The following MYH14 variants were observed in gnomAD, a reference collection of about 807,000 sequenced individuals.
MYH14 encodes myosin heavy chain 14, also known as myosin-14.
A neutral mutation model predicts 255.5 loss-of-function variants in MYH14; 123 were observed. The observed-to-expected ratio is 0.48, with a 90% CI of 0.42 to 0.56. The LOEUF (loss-of-function observed/expected upper bound fraction) is 0.56. Among genes scored for constraint, MYH14 ranks in the 20% least tolerant of loss-of-function variants. The probability of loss-of-function intolerance (pLI) is 0.00; values close to 1 mark genes in which losing one functional copy is unlikely to be tolerated. For synonymous variants in MYH14, 1,095 were observed against 1,161.2 expected, an observed-to-expected ratio of 0.94 and a Z score of 1.16; for missense variants, 2,423 against 2,802.3, an observed-to-expected ratio of 0.86 and a Z score of 3.06.
rs1161235884 is a variant in MYH14, at chr19:50,216,612, GA to G, written c.406-991del. Among the ~76,000 whole-genome samples the G allele has an allele frequency of 3.7e-3, 508 of 137,498 alleles. 3 individuals carry two copies. The East Asian group carries it at 0.045, about 12-fold the overall frequency. 90.2% of individuals were successfully genotyped at this position (137,498 alleles called of 152,430 possible). The stretch of plus-strand genomic sequence containing the variant: ...GAGTAAGACCCTGTCTCAAAGAGGG[GA>G]AAAAAAAAAAAGACTAGGCATGGTC... On this transcript the variant is annotated intron_variant, in intron 2 of 42. Transcript: ENST00000642316.
At chr19:50,227,170 G>A (rs541347702) in intron 8 of MYH14, among the ~76,000 whole-genome samples, 2 of 152,122 alleles carry the variant, frequency 1.3e-5, no homozygotes, top group African/African-American at 4.8e-5. Context: ...GGGGTGGTGG[G>A]TTGGGGTCCA....
chr19:50,279,982 G>T, intron 30 of MYH14, 55 bp from the exon 31 acceptor site: 1 of 1,282,162 alleles, frequency 7.8e-7, no homozygotes, highest in Non-Finnish European at 1.1e-6. Flanking sequence ...AGGCAGATGG[G>T]GTCACTGGGT....
intron 35 of MYH14, among the ~76,000 whole-genome samples, 186 bp from the exon 36 acceptor site, chr19:50,290,701 G>C (rs2036041555): frequency 6.6e-6 from 1 of 152,204 alleles, no homozygotes; most frequent in Non-Finnish European, 1.5e-5. Flanking sequence ...GGAGGCTTAG[G>C]TGAGATGGGG....
chr19:50,308,008 C>T (rs539833857), intron 41 of MYH14, among the ~76,000 whole-genome samples: 15 of 152,130 alleles, frequency 9.9e-5, no homozygotes, highest in South Asian at 2.1e-4. Flanking sequence ...TAGGATGAGA[C>T]GTAATAAACC....
At chr19:50,287,066 C>T (rs1316156381) in intron 34 of MYH14, among the ~76,000 whole-genome samples, 1 of 151,884 alleles carries the variant, frequency 6.6e-6, no homozygotes, top group African/African-American at 2.4e-5. Flanking sequence ...TTCAGTGAGC[C>T]GAGATCATTC....
rs142071617 is a variant in MYH14, at chr19:50,235,759, G to A, written c.1114+3689G>A. Among the ~76,000 whole-genome samples, 658 of 152,102 alleles carry A rather than the reference G, an allele frequency of 4.3e-3. 6 individuals carry two copies. Among genetic ancestry groups the A allele is most frequent in the African/African-American group, 0.015 (614 of 41,500 alleles). ...TGATTGCACCACTGTACTCCAGGCT[G>A]GTGATAGAATGAGACCCCATCTCAA... On this transcript the variant is annotated intron_variant, in intron 10 of 42. Transcript: ENST00000642316.
At chr19:50,254,217 CAAAA>C (rs56737609) in intron 16 of MYH14, among the ~76,000 whole-genome samples, 2 of 85,322 alleles carry the variant, frequency 2.3e-5, no homozygotes, top group Non-Finnish European at 2.6e-5. Context: ...AACTCTGTCT[CAAAA>C]AAAAAAAAAA....
intron 39 of MYH14, among the ~76,000 whole-genome samples, chr19:50,299,614 G>A (rs2036408040): frequency 6.7e-6 from 1 of 149,310 alleles, no homozygotes; most frequent in African/African-American, 2.5e-5. Flanking sequence ...GAATAAAAGG[G>A]ATGGAGGAGG....
At chr19:50,292,111 TTA>T in intron 36 of MYH14, 148 bp from the exon 37 acceptor site, 3 of 709,922 alleles carry the variant, frequency 4.2e-6, no homozygotes, top group Non-Finnish European at 6.2e-6. Context: ...GCAAGTGGCT[TTA>T]TACACAGGAG....
Position 50,309,146 on chromosome 19 carries a change from C to T in MYH14, c.5929C>T (p.Arg1977Cys), listed in dbSNP as rs759237862. The change falls in exon 42 of 43, where the codon CGT becomes TGT. Residue 1977 changes from arginine (R) to cysteine (C), a missense_variant. Physicochemically the swap from Arg to Cys is radical, Grantham distance 180 (BLOSUM62 -3). Coordinates refer to ENST00000642316, the MANE Select transcript of MYH14 (RefSeq NM_001145809.2). ...DVTESAESMN[R>C]EVTTLRNRLR... ...CACAGAGTCGGCCGAGTCCATGAAC[C>T]GTGAAGTGACCACACTGAGGAACCG... 6.2e-7 allele frequency: 1 copy of T among 1,613,870 alleles called. No homozygotes were observed. The highest frequency in any genetic ancestry group is 8.5e-7 in the Non-Finnish European group (1 of 1,179,802).
Position 50,255,400 on chromosome 19 carries a change from A to T in MYH14, c.2044+82A>T. The T allele has an allele frequency of 3.0e-6, 3 of 1,010,556 alleles. No homozygotes were observed. The South Asian group carries it at 4.1e-5, about 14-fold the overall frequency. The allele number at this position is 1,010,556 out of a possible 1,614,324, so 62.6% of individuals were successfully genotyped here. A position where few individuals can be genotyped will look rare whatever the true frequency, so the allele number is the denominator to read the frequency against. On this transcript the variant is annotated intron_variant, in intron 17 of 42. Coordinates refer to ENST00000642316, the MANE Select transcript of MYH14 (RefSeq NM_001145809.2). ...TTGGGCTGGGGACCTGGTTTTGAACATCTGTCCCCTCTCCTCTTACTGTGG... is the reference window on the plus strand; with the variant it reads ...TTGGGCTGGGGACCTGGTTTTGAACTTCTGTCCCCTCTCCTCTTACTGTGG...
At chr19:50,235,981 T>C (rs1450822345) in intron 10 of MYH14, among the ~76,000 whole-genome samples, 1 of 151,680 alleles carries the variant, frequency 6.6e-6, no homozygotes, top group Non-Finnish European at 1.5e-5. Context: ...TTTCAGCCAA[T>C]CCCTTGCAGA....
At chr19:50,272,045 C>T (rs2035322897) in intron 26 of MYH14, 73 bp downstream of exon 26, 1 of 1,553,762 alleles carries the variant, frequency 6.4e-7, no homozygotes, top group Admixed American at 1.9e-5. Context: ...CCATGTGCTA[C>T]AGGGCCTCAG....
At chr19:50,234,599 G>T (rs2033572474) in intron 10 of MYH14, among the ~76,000 whole-genome samples, 1 of 150,000 alleles carries the variant, frequency 6.7e-6, no homozygotes, top group African/African-American at 2.4e-5. Context: ...TCCCAACCAG[G>T]GTTGCATAAT....
At position 50,297,827 on chromosome 19, in the gene MYH14, C is replaced by T. The variant is rs143223439; in HGVS notation, c.5470-3834C>T. 4.4e-3 allele frequency among the ~76,000 whole-genome samples: 666 copies of T among 152,062 alleles called. 10 individuals are homozygous for T. Among genetic ancestry groups the T allele is most frequent in the African/African-American group, 0.016 (645 of 41,480 alleles). On this transcript the variant is annotated intron_variant, in intron 39 of 42. Transcript: ENST00000642316. ...CATCTCCTCTTAAAAGGACACCAGCCGTATCAGATTTGAGGCCCACCCTAA... is the reference window on the plus strand; with the variant it reads ...CATCTCCTCTTAAAAGGACACCAGCTGTATCAGATTTGAGGCCCACCCTAA...
At chr19:50,285,743 A>G (rs2035869686) in intron 33 of MYH14, 1 of 152,048 alleles carries the variant, frequency 6.6e-6, no homozygotes, top group Admixed American at 6.5e-5. Context: ...ACTGCTTGGT[A>G]CTTTTTTCAG....
rs1184902096 is a variant in MYH14 at position 50,280,666 on chromosome 19, G to A, written c.4290+283G>A. Among the ~76,000 whole-genome samples, 1 of 151,942 alleles carries A rather than the reference G, an allele frequency of 6.6e-6. No homozygotes were observed. The highest frequency in any genetic ancestry group is 2.4e-5 in the African/African-American group (1 of 41,344). On this transcript the variant is annotated intron_variant, in intron 32 of 42. Transcript: ENST00000642316. This position sits in a 1 kb window ranked among gnomAD's most constrained non-coding sequence, Gnocchi z 4.8. ...CCTCCTCTTGGCCTCTGGGCCTCCA[G>A]CCTCTCCCCTAACAGCTCATCCCCT...
chr19:50,230,834 G>C lies in MYH14; in HGVS notation c.973+211G>C. 1.8e-6 allele frequency: 1 copy of C among 556,460 alleles called. No individual in the cohort carries two copies. The highest frequency in any genetic ancestry group is 3.2e-6 in the Non-Finnish European group (1 of 311,778). The allele number at this position is 556,460 out of a possible 1,614,324, so 34.5% of individuals were successfully genotyped here. On this transcript the variant is annotated intron_variant, in intron 9 of 42. Coordinates refer to ENST00000642316, the MANE Select transcript of MYH14 (RefSeq NM_001145809.2). This position sits in a 1 kb window ranked among gnomAD's most constrained non-coding sequence, Gnocchi z 4.7. ...TGCGCTCTGGTTCCAGCTCTGTCCC[G>C]GGTCTGGCTCGCGCCCGCTGTCACG...
chr19:50,297,110 C>A (rs527368996), intron 39 of MYH14, among the ~76,000 whole-genome samples: 1 of 152,168 alleles, frequency 6.6e-6, no homozygotes, highest in South Asian at 2.1e-4. Context: ...CTCAGCCTCC[C>A]AAGTAGCTGG....
Sources: allele counts gnomAD v4.1 joint callset (sites outside exome capture counted in the v4.1 genomes callset), GRCh38; gene constraint gnomAD v4.1.1; non-coding constraint Gnocchi (gnomAD v3.1); transcripts MANE v1.5; gene names NCBI Gene and HGNC (gene_info 2026-07-23, HGNC 2026-07-21).